Variants in FBN1 observed in about 807,000 individuals in gnomAD.
FBN1 encodes the protein fibrillin-1.
Under a neutral mutation model 365.1 loss-of-function variants are expected in FBN1, and 29 were observed. The observed-to-expected ratio is 0.08, with a 90% confidence interval of 0.06 to 0.11. FBN1 has a LOEUF of 0.11. Among genes scored for constraint, FBN1 ranks in the 10% least tolerant of loss-of-function variants. The pLI, the probability that FBN1 is intolerant of heterozygous loss-of-function variation, is 1.00. For missense variants in FBN1, 2,476 were observed against 3,703.2 expected (o/e 0.67, Z 8.60); for synonymous variants, 1,210 against 1,270.5 (o/e 0.95, Z 1.01).
chr15:48,562,056 T>C (rs1029025039), intron 6 of FBN1, among the ~76,000 whole-genome samples: 2 of 152,158 alleles, frequency 1.3e-5, no homozygotes, highest in African/African-American at 4.8e-5. Flanking sequence ...TGACGTAAGT[T>C]GTCAGTAGAT....
At chr15:48,629,756 C>T (rs1199616109) in intron 2 of FBN1, among the ~76,000 whole-genome samples, 1 of 152,242 alleles carries the variant, frequency 6.6e-6, no homozygotes, top group Non-Finnish European at 1.5e-5. Context: ...AAATTATCCA[C>T]ATCTGTGTTA....
At chr15:48,419,123 A>G (rs1379563533) in intron 63 of FBN1, among the ~76,000 whole-genome samples, 2 of 152,314 alleles carry the variant, frequency 1.3e-5, no homozygotes, top group East Asian at 3.9e-4. Flanking sequence ...TGCTCATTCT[A>G]GATAACTCTA....
chr15:48,506,086 G>C (rs2141318625), intron 15 of FBN1, among the ~76,000 whole-genome samples: 1 of 152,274 alleles, frequency 6.6e-6, no homozygotes, highest in East Asian at 1.9e-4. Context: ...AGCTGGGCAT[G>C]ATGGCATGCG....
At chr15:48,509,699 A>C (rs1388217187) in intron 14 of FBN1, among the ~76,000 whole-genome samples, 1 of 151,690 alleles carries the variant, frequency 6.6e-6, no homozygotes, top group Middle Eastern at 3.2e-3. Context: ...AAACAAAAAG[A>C]TTATAAACGG....
intron 53 of FBN1, among the ~76,000 whole-genome samples, 182 bp downstream of exon 53, chr15:48,436,779 C>A (rs2043075062): frequency 1.3e-5 from 2 of 152,144 alleles, no homozygotes; most frequent in South Asian, 2.1e-4. Context: ...AGCTCCAGAG[C>A]CTAGCACAGT....
intron 6 of FBN1, among the ~76,000 whole-genome samples, chr15:48,579,208 T>A (rs2044372846): frequency 6.6e-6 from 1 of 152,100 alleles, no homozygotes; most frequent in Admixed American, 6.6e-5. Context: ...ATAACAAATA[T>A]CTGGATGTAG....
chr15:48,549,407 C>T (rs1187958063), intron 6 of FBN1, among the ~76,000 whole-genome samples: 2 of 152,182 alleles, frequency 1.3e-5, no homozygotes, highest in African/African-American at 4.8e-5. Context: ...CAGAGCAGTC[C>T]ACCTGCATGG....
intron 42 of FBN1, among the ~76,000 whole-genome samples, chr15:48,461,837 C>T (rs182146442): frequency 6.6e-6 from 1 of 152,236 alleles, no homozygotes; most frequent in East Asian, 1.9e-4. Context: ...TTATGGGAAA[C>T]AAAATCTGAA....
At chr15:48,565,946 A>G (rs2044256264) in intron 6 of FBN1, among the ~76,000 whole-genome samples, 1 of 152,230 alleles carries the variant, frequency 6.6e-6, no homozygotes. Context: ...TGAGTATTTT[A>G]AATCTTTTGG....
chr15:48,440,843 A>T (rs998044377), intron 50 of FBN1, among the ~76,000 whole-genome samples: 2 of 151,284 alleles, frequency 1.3e-5, no homozygotes, highest in Admixed American at 6.6e-5. Context: ...TGAACCTTAA[A>T]TGATATCCAG....
intron 60 of FBN1, 28 bp downstream of exon 60, chr15:48,425,341 T>C: frequency 1.9e-6 from 3 of 1,614,040 alleles, no homozygotes; most frequent in Non-Finnish European, 2.5e-6. Flanking sequence ...AGGAGCTAGG[T>C]GAGGGGCAAT....
chr15:48,451,276 T>C (rs2043199184), intron 45 of FBN1, among the ~76,000 whole-genome samples: 1 of 152,216 alleles, frequency 6.6e-6, no homozygotes, highest in Non-Finnish European at 1.5e-5. Context: ...TCTAAAGAAA[T>C]ATAAATTATG....
chr15:48,564,121 G>C (rs1210492361), intron 6 of FBN1, among the ~76,000 whole-genome samples: 1 of 152,128 alleles, frequency 6.6e-6, no homozygotes, highest in African/African-American at 2.4e-5. Flanking sequence ...GTAATGTTTG[G>C]TATGGGAGGC....
intron 2 of FBN1, among the ~76,000 whole-genome samples, chr15:48,615,693 C>T (rs1021168432): frequency 6.6e-6 from 1 of 152,134 alleles, no homozygotes; most frequent in Admixed American, 6.5e-5. Flanking sequence ...ATATATATTA[C>T]ACTGTGTTTT....
rs541658655 is a variant in FBN1, at chr15:48,453,074, T to C, written c.5423-390A>G. ...GAGTTTGAGACCAGCCTGACCAACA[T>C]GGTGAAACCCCGTCTCTACTAAAAA... On this transcript the variant is annotated intron_variant, in intron 44 of 65. Coordinates refer to ENST00000316623, the MANE Select transcript of FBN1 (RefSeq NM_000138.5). 5.3e-5 allele frequency among the ~76,000 whole-genome samples: 8 copies of C among 151,996 alleles called. 1 individual carries two copies. Among genetic ancestry groups the C allele is most frequent in the South Asian group, 4.1e-4 (2 of 4,830 alleles).
At chr15:48,606,251 T>C (rs970610113) in intron 4 of FBN1, among the ~76,000 whole-genome samples, 1 of 152,186 alleles carries the variant, frequency 6.6e-6, no homozygotes, top group Non-Finnish European at 1.5e-5. Flanking sequence ...ACATAAGATT[T>C]GTGTTCACAC....
At chr15:48,491,079 C>T (rs746149408) in intron 24 of FBN1, among the ~76,000 whole-genome samples, 76 of 152,006 alleles carry the variant, frequency 5.0e-4, no homozygotes, top group Non-Finnish European at 9.0e-4. Context: ...TAAGTGAATC[C>T]TAAATTAAAC....
chr15:48,496,286 G>T (rs1247023739), intron 19 of FBN1, 61 bp from the exon 20 acceptor site: 15 of 1,605,640 alleles, frequency 9.3e-6, no homozygotes, highest in Non-Finnish European at 1.2e-5. Context: ...TATCTACTTT[G>T]CTCTTTTACA....
intron 45 of FBN1, among the ~76,000 whole-genome samples, chr15:48,449,827 G>A (rs942544771): frequency 3.3e-5 from 5 of 152,242 alleles, no homozygotes; most frequent in African/African-American, 9.6e-5. Context: ...CAGACTTGCC[G>A]TTTGCCTGCA....
Sources: gnomAD v4.1 joint callset for allele counts (sites outside exome capture counted in the v4.1 genomes callset) on GRCh38, gnomAD v4.1.1 for gene constraint, MANE v1.5 for transcripts, NCBI Gene and HGNC (gene_info 2026-07-23, HGNC 2026-07-21) for gene names.